The following TMEM108 variants were observed in gnomAD, a reference collection of about 807,000 sequenced individuals.
The protein encoded by TMEM108 is cancer/testis antigen 124.
Under a neutral mutation model 35.1 loss-of-function variants are expected in TMEM108, and 12 were observed. The ratio of observed to expected loss-of-function variants is 0.34; its 90% CI spans 0.22 to 0.55. The LOEUF (loss-of-function observed/expected upper bound fraction) is 0.55, where lower values mean the gene tolerates loss of function less well. Ranked by LOEUF, TMEM108 falls within the 20% of genes least tolerant of loss-of-function variation. TMEM108 has a pLI of 0.89. For missense variants in TMEM108, 680 were observed against 753.3 expected (o/e 0.90, Z 1.14); for synonymous variants, 287 against 308.6 (o/e 0.93, Z 0.73).
chr3:133,239,358 T>G (rs552508695), intron 3 of TMEM108, among the ~76,000 whole-genome samples: 15 of 152,310 alleles, frequency 9.8e-5, no homozygotes, highest in African/African-American at 3.4e-4. Context: ...TTCAGTATTT[T>G]AGACTAGATT....
intron 2 of TMEM108, among the ~76,000 whole-genome samples, chr3:133,161,258 A>G (rs1209920581): frequency 6.6e-6 from 1 of 152,156 alleles, no homozygotes; most frequent in Non-Finnish European, 1.5e-5. Flanking sequence ...ATGCTTGTCC[A>G]TTGATCTTAC....
chr3:133,261,110 C>T (rs1343951768), intron 3 of TMEM108, among the ~76,000 whole-genome samples: 1 of 152,162 alleles, frequency 6.6e-6, no homozygotes, highest in Admixed American at 6.5e-5. Flanking sequence ...AGTGAGAAAT[C>T]ACAAGGACAA....
At chr3:133,236,962 G>T (rs1270510589) in intron 3 of TMEM108, among the ~76,000 whole-genome samples, 1 of 152,038 alleles carries the variant, frequency 6.6e-6, no homozygotes, top group Non-Finnish European at 1.5e-5. Context: ...GTGCTTACTG[G>T]TTAAGGAGAG....
chr3:133,381,085 C>T lies in TMEM108; in HGVS notation c.1374C>T (p.His458=). The stretch of plus-strand genomic sequence containing the variant: ...TGGCCGAGGGGGACAAACCGCAGCA[C>T]AGAGCCACCATCTGCCTGAGCAAGA... ...SHVAEGDKPQ[H]RATICLSKMD... The change falls in exon 4 of 6, where the codon CAC becomes CAT. Residue 458 remains histidine (H), a synonymous_variant. Transcript: ENST00000321871. 6.2e-7 allele frequency: 1 copy of T among 1,614,160 alleles called. No individual in the cohort carries two copies. The highest frequency in any genetic ancestry group is 8.5e-7 in the Non-Finnish European group (1 of 1,180,002).
chr3:133,343,935 C>G (rs147536429), intron 3 of TMEM108, among the ~76,000 whole-genome samples: 2 of 151,920 alleles, frequency 1.3e-5, no homozygotes, highest in Non-Finnish European at 2.9e-5. Context: ...CTGCATAGGT[C>G]TACTTATACA....
intron 3 of TMEM108, among the ~76,000 whole-genome samples, chr3:133,253,794 A>G (rs1005444034): frequency 3.9e-5 from 6 of 152,224 alleles, no homozygotes; most frequent in African/African-American, 1.2e-4. Flanking sequence ...GCTGACAGCC[A>G]TCTTCAAAAA....
intron 3 of TMEM108, among the ~76,000 whole-genome samples, chr3:133,375,276 T>C (rs147327143): frequency 6.6e-6 from 1 of 152,322 alleles, no homozygotes; most frequent in East Asian, 1.9e-4. Flanking sequence ...CCTGAGCTCA[T>C]GTATGCATTG....
intron 2 of TMEM108, among the ~76,000 whole-genome samples, chr3:133,197,708 T>C (rs964983604): frequency 6.6e-6 from 1 of 152,072 alleles, no homozygotes; most frequent in Admixed American, 6.6e-5. Context: ...TGATATGAGT[T>C]GAAGGCTGTA....
At chr3:133,325,101 G>A (rs548836910) in intron 3 of TMEM108, among the ~76,000 whole-genome samples, 19 of 152,214 alleles carry the variant, frequency 1.2e-4, no homozygotes, top group Non-Finnish European at 2.6e-4. Context: ...CCAACAAGTG[G>A]TTGGTTGATG....
intron 3 of TMEM108, among the ~76,000 whole-genome samples, chr3:133,345,782 A>G (rs2071799959): frequency 6.6e-6 from 1 of 151,932 alleles, no homozygotes; most frequent in Admixed American, 6.6e-5. Flanking sequence ...GTTTCCAGTG[A>G]CAGGTGATGG....
At chr3:133,333,971 G>T (rs2071440733) in intron 3 of TMEM108, among the ~76,000 whole-genome samples, 1 of 152,166 alleles carries the variant, frequency 6.6e-6, no homozygotes, top group African/African-American at 2.4e-5. Context: ...GGGCTATGTG[G>T]AAGTTCCTTT....
chr3:133,090,719 C>T (rs144012011), intron 2 of TMEM108, among the ~76,000 whole-genome samples: 295 of 152,118 alleles, frequency 1.9e-3, no homozygotes, highest in African/African-American at 6.6e-3. Flanking sequence ...TTTTTCCTTC[C>T]GGTATAATTT....
At chr3:133,156,294 G>A (rs1944880857) in intron 2 of TMEM108, among the ~76,000 whole-genome samples, 2 of 152,122 alleles carry the variant, frequency 1.3e-5, no homozygotes, top group South Asian at 4.1e-4. Context: ...TGTGGCGAAT[G>A]CAAGGAACTA....
intron 2 of TMEM108, among the ~76,000 whole-genome samples, chr3:133,070,081 A>G (rs1165276197): frequency 6.6e-6 from 1 of 152,160 alleles, no homozygotes; most frequent in Non-Finnish European, 1.5e-5. Flanking sequence ...GACCCTAAAC[A>G]GTACAGAGCA....
intron 2 of TMEM108, among the ~76,000 whole-genome samples, chr3:133,221,379 G>C (rs1945987904): frequency 6.6e-6 from 1 of 152,084 alleles, no homozygotes; most frequent in African/African-American, 2.4e-5. Context: ...AAATAACAAA[G>C]GTCATAGGGG....
At chr3:133,096,096 G>A (rs183883606) in intron 2 of TMEM108, among the ~76,000 whole-genome samples, 12 of 152,240 alleles carry the variant, frequency 7.9e-5, no homozygotes, top group South Asian at 2.1e-4. Context: ...CAGAATATTC[G>A]TATAGCACAG....
intron 3 of TMEM108, among the ~76,000 whole-genome samples, chr3:133,264,141 T>TA (rs201422732): frequency 6.6e-6 from 1 of 152,008 alleles, no homozygotes; most frequent in Admixed American, 6.6e-5. Flanking sequence ...ACCCATCTCT[T>TA]AAAAAAACAA....
At chr3:133,309,085 C>T (rs1201102733) in intron 3 of TMEM108, among the ~76,000 whole-genome samples, 1 of 152,158 alleles carries the variant, frequency 6.6e-6, no homozygotes, top group East Asian at 1.9e-4. Flanking sequence ...CTGGTTTAGT[C>T]TTGGGAGGGT....
chr3:133,116,249 C>T (rs1453516418), intron 2 of TMEM108, among the ~76,000 whole-genome samples: 1 of 152,162 alleles, frequency 6.6e-6, no homozygotes, highest in Non-Finnish European at 1.5e-5. Context: ...CATTCTTCCA[C>T]CCAAGAATCA....
Sources: allele counts gnomAD v4.1 joint callset (sites outside exome capture counted in the v4.1 genomes callset), GRCh38; gene constraint gnomAD v4.1.1; transcripts MANE v1.5; gene names NCBI Gene and HGNC (gene_info 2026-07-23, HGNC 2026-07-21).